NRXN3: variants seen among roughly 807,000 people sequenced by gnomAD.
The protein encoded by NRXN3 is neurexin III.
Under a neutral mutation model 137.6 loss-of-function variants are expected in NRXN3, and 32 were observed. The ratio of observed to expected loss-of-function variants is 0.23; its 90% CI spans 0.18 to 0.31. The LOEUF (loss-of-function observed/expected upper bound fraction) is 0.31, where lower values mean the gene tolerates loss of function less well. Ranked by LOEUF, NRXN3 falls within the 10% of genes least tolerant of loss-of-function variation. The pLI, the probability that NRXN3 is intolerant of heterozygous loss-of-function variation, is 1.00. For missense variants in NRXN3, 1,574 were observed against 2,062.5 expected (o/e 0.76, Z 4.59); for synonymous variants, 798 against 784.5 (o/e 1.02, Z -0.29).
intron 15 of NRXN3, among the ~76,000 whole-genome samples, chr14:79,044,825 G>GTTTTT (rs5809914): frequency 2.1e-5 from 3 of 139,622 alleles, no homozygotes; most frequent in Non-Finnish European, 1.6e-5. Context: ...AGCACCTCTA[G>GTTTTT]TTTTTTTTTT....
intron 15 of NRXN3, among the ~76,000 whole-genome samples, chr14:79,093,672 G>A (rs1404567261): frequency 2.0e-5 from 3 of 152,262 alleles, no homozygotes; most frequent in Admixed American, 1.3e-4. Flanking sequence ...TAAACCATGG[G>A]TGACATTGCA....
chr14:78,781,376 C>A (rs2098768887), intron 8 of NRXN3, among the ~76,000 whole-genome samples: 1 of 151,940 alleles, frequency 6.6e-6, no homozygotes, highest in Non-Finnish European at 1.5e-5. Context: ...AACAAATATA[C>A]CAGAATGTTA....
At chr14:78,832,000 AGAG>A (rs1228330187) in intron 10 of NRXN3, among the ~76,000 whole-genome samples, 5 of 151,228 alleles carry the variant, frequency 3.3e-5, no homozygotes, top group Middle Eastern at 3.2e-3. Flanking sequence ...GTGGGGTAAA[AGAG>A]GAGGACAAAA....
intron 15 of NRXN3, among the ~76,000 whole-genome samples, chr14:79,159,709 T>C (rs978456000): frequency 6.6e-6 from 1 of 151,812 alleles, no homozygotes; most frequent in African/African-American, 2.4e-5. Flanking sequence ...AGCTTCACCA[T>C]AAATTTCATG....
chr14:79,457,985 CTT>C (rs144730879), intron 15 of NRXN3, among the ~76,000 whole-genome samples: 59 of 152,172 alleles, frequency 3.9e-4, no homozygotes, highest in African/African-American at 1.3e-3. Flanking sequence ...AAAATGATTA[CTT>C]TTGTTTTTCC....
Position 79,861,516 on chromosome 14 carries a change from A to G in NRXN3, c.4268A>G (p.Lys1423Arg), listed in dbSNP as rs752059041. Residue 1423 changes from lysine (K) to arginine (R), a missense_variant, in exon 21 of 21, where the codon AAA becomes AGA. Physicochemically the swap from Lys to Arg is conservative, Grantham distance 26. Around this residue, in one of 5 missense-constraint regions of NRXN3, gnomAD observed 320 missense variants for 387.1 expected, o/e 0.83. Transcript: ENST00000335750. This position sits in a 1 kb window ranked among gnomAD's most constrained non-coding sequence, Gnocchi z 5.4. Reference protein sequence around the residue: ...TASSSSGMVPKLPAGKMNNRD... With the variant: ...TASSSSGMVPRLPAGKMNNRD... ...TCCTCCTCGTCTGGGATGGTGCCCA[A>G]ATTGCCAGCTGGCAAAATGAATAAC... 1 of 1,542,408 alleles carries G rather than the reference A, an allele frequency of 6.5e-7. No homozygotes were observed. The highest frequency in any genetic ancestry group is 2.0e-5 in the Admixed American group (1 of 51,116).
intron 4 of NRXN3, among the ~76,000 whole-genome samples, chr14:78,417,262 T>C (rs2153671177): frequency 6.6e-6 from 1 of 152,334 alleles, no homozygotes; most frequent in East Asian, 1.9e-4. Context: ...CTTTCCATGC[T>C]ACCTACATAC....
chr14:78,632,420 T>C (rs2097530443), intron 4 of NRXN3, among the ~76,000 whole-genome samples: 1 of 152,298 alleles, frequency 6.6e-6, no homozygotes, highest in South Asian at 2.1e-4. Context: ...TATTTTTTTT[T>C]TTAAAGAAAT....
chr14:79,636,220 T>C (rs1376475422), intron 16 of NRXN3, among the ~76,000 whole-genome samples: 1 of 152,206 alleles, frequency 6.6e-6, no homozygotes, highest in East Asian at 1.9e-4. Flanking sequence ...GACTTCAACA[T>C]ATCTTTTTGG....
intron 20 of NRXN3, among the ~76,000 whole-genome samples, chr14:79,822,076 T>C (rs564765808): frequency 5.8e-4 from 88 of 152,256 alleles, no homozygotes; most frequent in African/African-American, 2.1e-3. Flanking sequence ...TACAACTCTG[T>C]ATTATTTTAG....
intron 4 of NRXN3, among the ~76,000 whole-genome samples, chr14:78,328,334 A>G (rs1222338436): frequency 6.6e-6 from 1 of 152,160 alleles, no homozygotes; most frequent in East Asian, 1.9e-4. Flanking sequence ...TCCAGCAACT[A>G]CTCAAGTACC....
At chr14:78,501,992 A>G (rs112197061) in intron 4 of NRXN3, among the ~76,000 whole-genome samples, 56 of 152,240 alleles carry the variant, frequency 3.7e-4, no homozygotes, top group African/African-American at 1.3e-3. Context: ...TAACAGAACT[A>G]TAACAGAACA....
chr14:79,277,553 A>T (rs888125227), intron 15 of NRXN3, among the ~76,000 whole-genome samples: 11 of 152,210 alleles, frequency 7.2e-5, no homozygotes, highest in African/African-American at 2.4e-4. Context: ...TGGACAAAGA[A>T]TATTGCCACT....
intron 16 of NRXN3, among the ~76,000 whole-genome samples, chr14:79,532,739 C>G (rs2097180788): frequency 6.6e-6 from 1 of 152,226 alleles, no homozygotes. Flanking sequence ...TCCTCCAAGT[C>G]CTGCCTCAAA....
chr14:79,322,061 C>T (rs1204077453), intron 15 of NRXN3, among the ~76,000 whole-genome samples: 2 of 151,802 alleles, frequency 1.3e-5, no homozygotes, highest in African/African-American at 4.8e-5. Flanking sequence ...CAGCAAGATC[C>T]CATCTTAAAA....
chr14:78,911,493 A>G (rs564103017), intron 10 of NRXN3, among the ~76,000 whole-genome samples: 1 of 152,292 alleles, frequency 6.6e-6, no homozygotes, highest in South Asian at 2.1e-4. Context: ...TTTTAGTCAT[A>G]TTGTCAATGA....
chr14:78,183,740 G>T (rs1267429451), intron 1 of NRXN3, among the ~76,000 whole-genome samples: 1 of 152,170 alleles, frequency 6.6e-6, no homozygotes. Flanking sequence ...GGGCAGGCTG[G>T]CTTTCTGTCT....
intron 4 of NRXN3, among the ~76,000 whole-genome samples, chr14:78,583,127 C>T (rs953940733): frequency 6.6e-6 from 1 of 152,080 alleles, no homozygotes; most frequent in Non-Finnish European, 1.5e-5. Context: ...GGGGCCCACC[C>T]GGGACCGTCA....
chr14:79,764,689 A>G (rs554888544), intron 19 of NRXN3, among the ~76,000 whole-genome samples: 23 of 152,030 alleles, frequency 1.5e-4, no homozygotes, highest in African/African-American at 5.6e-4. Context: ...ATACACTTCC[A>G]TGTTACTGTT....
Sources: gnomAD v4.1 joint callset for allele counts (sites outside exome capture counted in the v4.1 genomes callset) on GRCh38, gnomAD v4.1.1 for gene constraint, gnomAD v4.1.1 regional missense constraint, Gnocchi (gnomAD v3.1) non-coding constraint, MANE v1.5 for transcripts, NCBI Gene and HGNC (gene_info 2026-07-23, HGNC 2026-07-21) for gene names.